Variants in TRIM14 observed in about 807,000 individuals in gnomAD.
The protein encoded by TRIM14 is tripartite motif containing 14.
Under a neutral mutation model 44.5 loss-of-function variants are expected in TRIM14, and 28 were observed. That is an observed-to-expected ratio of 0.63 (90% CI 0.47 to 0.86). The LOEUF is 0.86. TRIM14 is among the 40% of genes least tolerant of loss of function. The pLI, the probability that TRIM14 is intolerant of heterozygous loss-of-function variation, is 0.00. For synonymous variants in TRIM14, 299 were observed against 269.2 expected, an observed-to-expected ratio of 1.11 and a Z score of -1.08; for missense variants, 607 against 611.1, an observed-to-expected ratio of 0.99 and a Z score of 0.07.
intron 6 of TRIM14, among the ~76,000 whole-genome samples, chr9:98,078,930 T>C (rs1045594521): frequency 2.6e-5 from 4 of 152,062 alleles, no homozygotes; most frequent in African/African-American, 9.7e-5. Flanking sequence ...AACACTAGCG[T>C]ACAGATAAAT....
the TRIM14 span, among the ~76,000 whole-genome samples, chr9:98,042,434 T>G: frequency 6.6e-6 from 1 of 152,198 alleles, no homozygotes; most frequent in South Asian, 2.1e-4. Flanking sequence ...TTTACCTGAT[T>G]ATTTAATAGT....
chr9:98,037,669 C>A, the TRIM14 span, among the ~76,000 whole-genome samples: 1 of 151,956 alleles, frequency 6.6e-6, no homozygotes, highest in African/African-American at 2.4e-5. Flanking sequence ...AGGCAGGAGT[C>A]CTAAAGGCTA....
At chr9:98,039,728 G>A in the TRIM14 span, among the ~76,000 whole-genome samples, 2 of 152,026 alleles carry the variant, frequency 1.3e-5, no homozygotes, top group Non-Finnish European at 2.9e-5. Flanking sequence ...TGCAAGAAGA[G>A]AGCTCCGACT....
chr9:98,070,074 T>A (rs1247987403), intron 6 of TRIM14, among the ~76,000 whole-genome samples: 1 of 152,188 alleles, frequency 6.6e-6, no homozygotes. Flanking sequence ...TCTACCATTA[T>A]CTCAAAATTC....
chr9:98,053,741 G>T, the TRIM14 span, among the ~76,000 whole-genome samples: 5 of 151,924 alleles, frequency 3.3e-5, no homozygotes, highest in Non-Finnish European at 7.4e-5. Flanking sequence ...GCTTCCAGAA[G>T]AACGGAGCGG....
the TRIM14 span, among the ~76,000 whole-genome samples, chr9:98,058,434 C>T: frequency 6.6e-6 from 1 of 152,150 alleles, no homozygotes; most frequent in South Asian, 2.1e-4. Flanking sequence ...GTGACTTAGG[C>T]AAGGTCACAT....
At chr9:98,114,554 C>T (rs1213477027) in intron 1 of TRIM14, among the ~76,000 whole-genome samples, 1 of 152,128 alleles carries the variant, frequency 6.6e-6, no homozygotes, top group African/African-American at 2.4e-5. Context: ...GATCTCCTGA[C>T]CTCGTGATCG....
At chr9:98,075,027 TG>T (rs1340462469) in intron 6 of TRIM14, 1 of 152,072 alleles carries the variant, frequency 6.6e-6, no homozygotes, top group East Asian at 1.9e-4. Flanking sequence ...TGGAAGGTAC[TG>T]GGCATGGCAG....
At chr9:98,080,162 T>C (rs1829788543), downstream of TRIM14, among the ~76,000 whole-genome samples, 2 of 152,168 alleles carry the variant, frequency 1.3e-5, no homozygotes, top group Non-Finnish European at 2.9e-5. Context: ...TGCAGTGAGC[T>C]GAGATCACGC....
At chr9:98,064,742 G>C (rs886173688), downstream of TRIM14, among the ~76,000 whole-genome samples, 4 of 152,196 alleles carry the variant, frequency 2.6e-5, no homozygotes, top group African/African-American at 7.2e-5. Context: ...GCCTAGAGCA[G>C]TATGCTTTCC....
At chr9:98,068,956 CCTT>C (rs904158946), downstream of TRIM14, among the ~76,000 whole-genome samples, 3 of 152,092 alleles carry the variant, frequency 2.0e-5, no homozygotes, top group Non-Finnish European at 2.9e-5. Flanking sequence ...CAGTTTCATT[CCTT>C]CTTTTTTAAA....
chr9:98,048,881 C>A, the TRIM14 span, among the ~76,000 whole-genome samples: 1 of 152,080 alleles, frequency 6.6e-6, no homozygotes, highest in Non-Finnish European at 1.5e-5. Flanking sequence ...ATTAGCCAGG[C>A]GTGGTGGCGG....
At chr9:98,097,002 T>C (rs1037864814) in intron 3 of TRIM14, among the ~76,000 whole-genome samples, 4 of 152,182 alleles carry the variant, frequency 2.6e-5, no homozygotes, top group African/African-American at 4.8e-5. Context: ...GAGACCAGCC[T>C]GGCCAACATG....
chr9:98,078,003 C>G (rs1441215231), intron 6 of TRIM14: 5 of 715,696 alleles, frequency 7.0e-6, no homozygotes, highest in Non-Finnish European at 1.1e-5. Context: ...CAGAGGGGAG[C>G]CCACCTTTCC....
chr9:98,108,126 G>T (rs1415153486), intron 2 of TRIM14, among the ~76,000 whole-genome samples: 21 of 137,276 alleles, frequency 1.5e-4, no homozygotes, highest in Non-Finnish European at 3.1e-5. Context: ...TATGTAACAA[G>T]TAACCCTTGG....
intron 1 of TRIM14, among the ~76,000 whole-genome samples, chr9:98,113,818 T>A (rs550396351): frequency 6.6e-6 from 1 of 152,256 alleles, no homozygotes; most frequent in Admixed American, 6.5e-5. Flanking sequence ...GAACTGAATC[T>A]CCTCTATCAG....
At chr9:98,117,919 T>G (rs554779842) in intron 1 of TRIM14, among the ~76,000 whole-genome samples, 9 of 152,278 alleles carry the variant, frequency 5.9e-5, no homozygotes, top group Admixed American at 1.3e-4. Flanking sequence ...ATTATTATAA[T>G]TACAGCCATT....
chr9:98,087,244 G>A lies in TRIM14; in HGVS notation c.*226C>T, dbSNP rs756259143. ...TAAGTGATGGTGGGGTGAGGGTGCGGAGGTCTGATGAGAGGGCAGCAGCAG... is the reference window on the plus strand; with the variant it reads ...TAAGTGATGGTGGGGTGAGGGTGCGAAGGTCTGATGAGAGGGCAGCAGCAG... On this transcript the variant is annotated 3_prime_UTR_variant, in exon 6 of 6. Transcript: ENST00000341469. 12 of 792,352 alleles carry A rather than the reference G, an allele frequency of 1.5e-5. No homozygotes were observed. Among genetic ancestry groups the A allele is most frequent in the Non-Finnish European group, 2.6e-5 (11 of 430,768 alleles). 49.1% of individuals were successfully genotyped at this position (792,352 alleles called of 1,614,324 possible). A position where few individuals can be genotyped will look rare whatever the true frequency, so the allele number is the denominator to read the frequency against.
At chr9:98,092,570 C>G (rs1421435125) in intron 4 of TRIM14, 1 of 291,332 alleles carries the variant, frequency 3.4e-6, no homozygotes, top group East Asian at 1.1e-4. Context: ...CTGTGGGAAG[C>G]CCACCTGCAG....
Sources: gnomAD v4.1 joint callset for allele counts (sites outside exome capture counted in the v4.1 genomes callset) on GRCh38, gnomAD v4.1.1 for gene constraint, MANE v1.5 for transcripts, NCBI Gene and HGNC (gene_info 2026-07-23, HGNC 2026-07-21) for gene names.